The following PLEKHA6 variants were observed in gnomAD, a reference collection of about 807,000 sequenced individuals.
The protein encoded by PLEKHA6 is pleckstrin homology domain-containing family A member 6.
A neutral mutation model predicts 116.7 loss-of-function variants in PLEKHA6; 60 were observed. That is an observed-to-expected ratio of 0.51 (90% CI 0.42 to 0.64). The LOEUF is 0.64. Among genes scored for constraint, PLEKHA6 ranks in the 30% least tolerant of loss-of-function variants. The pLI is 0.00. For missense variants in PLEKHA6, 1,338 were observed against 1,422.7 expected, an observed-to-expected ratio of 0.94 and a Z score of 0.96; for synonymous variants, 489 against 556.1, an observed-to-expected ratio of 0.88 and a Z score of 1.70.
At chr1:204,317,904 A>G (rs1671919153) in intron 1 of PLEKHA6, among the ~76,000 whole-genome samples, 1 of 152,198 alleles carries the variant, frequency 6.6e-6, no homozygotes, top group African/African-American at 2.4e-5. Flanking sequence ...CAATAACAGT[A>G]TCCACCTCAT....
intron 10 of PLEKHA6, among the ~76,000 whole-genome samples, chr1:204,249,771 A>G (rs537841973): frequency 2.6e-5 from 4 of 152,234 alleles, no homozygotes; most frequent in Non-Finnish European, 5.9e-5. Context: ...CCTGTCAGGA[A>G]GGATCCTCTC....
At chr1:204,288,364 T>C (rs986115085) in intron 1 of PLEKHA6, among the ~76,000 whole-genome samples, 2 of 152,208 alleles carry the variant, frequency 1.3e-5, no homozygotes, top group African/African-American at 4.8e-5. Flanking sequence ...ACCTGAGTAA[T>C]GCTGCCGCCT....
At chr1:204,338,968 G>A (rs945532690) in intron 1 of PLEKHA6, among the ~76,000 whole-genome samples, 3 of 152,184 alleles carry the variant, frequency 2.0e-5, no homozygotes, top group South Asian at 2.1e-4. Context: ...CCGTGCATCC[G>A]GGCAGGCTCA....
At chr1:204,260,139 C>T (rs1448285421) in intron 7 of PLEKHA6, among the ~76,000 whole-genome samples, 2 of 152,148 alleles carry the variant, frequency 1.3e-5, no homozygotes, top group Non-Finnish European at 2.9e-5. Context: ...GCACTCACAT[C>T]AGTAACTGTC....
intron 1 of PLEKHA6, among the ~76,000 whole-genome samples, chr1:204,337,040 C>T (rs954017544): frequency 4.3e-4 from 65 of 152,248 alleles, no homozygotes; most frequent in African/African-American, 1.4e-3. Flanking sequence ...TCATCTCTTT[C>T]TGGACTCCCA....
chr1:204,247,183 G>A (rs1184043282), intron 13 of PLEKHA6, among the ~76,000 whole-genome samples, 182 bp downstream of exon 13: 1 of 152,166 alleles, frequency 6.6e-6, no homozygotes, highest in Non-Finnish European at 1.5e-5. Context: ...GTGTCTAACT[G>A]AAGTCTCCCA....
At chr1:204,370,462 T>G (rs770693624) in intron 2 of PLEKHA6, among the ~76,000 whole-genome samples, 3 of 152,234 alleles carry the variant, frequency 2.0e-5, no homozygotes, top group Admixed American at 6.5e-5. Flanking sequence ...CACCCCCTCT[T>G]ACTGGCCCGT....
chr1:204,229,047 G>T lies in PLEKHA6; in HGVS notation c.2641C>A (p.Arg881=), dbSNP rs201425011. 6 of 1,613,924 alleles carry T rather than the reference G, an allele frequency of 3.7e-6. No homozygotes were observed. The highest frequency in any genetic ancestry group is 2.2e-5 in the East Asian group (1 of 44,890). Residue 881 remains arginine (R), a synonymous_variant, in exon 19 of 23, where the codon CGG becomes AGG. Coordinates refer to ENST00000272203, the MANE Select transcript of PLEKHA6 (RefSeq NM_014935.5). The part of the protein sequence containing the change: ...VDISNLEAAL[R]AEEPGGHAYE... The stretch of plus-strand genomic sequence containing the variant: ...GCATGCCCGCCAGGCTCCTCTGCCC[G>T]CAGGGCTGCCTCCAGGTTGGAGATG...
At position 204,223,398 on chromosome 1, in the gene PLEKHA6, CA is replaced by C; in HGVS notation, c.*8+63del. ...CCAAAATGAGAGGGCATAGATGGCT[CA>C]ATGGGGGTGAAGGAAGGGGCCCCAC... On this transcript the variant is annotated intron_variant, in intron 22 of 22. Coordinates refer to ENST00000272203, the MANE Select transcript of PLEKHA6 (RefSeq NM_014935.5). This position sits in a 1 kb window ranked among gnomAD's most constrained non-coding sequence, Gnocchi z 4.8. 3 of 814,732 alleles carry C rather than the reference CA, an allele frequency of 3.7e-6. No individual in the cohort carries two copies. The highest frequency in any genetic ancestry group is 1.4e-5 in the South Asian group (1 of 69,408). The allele number at this position is 814,732 out of a possible 1,614,324, so 50.5% of individuals were successfully genotyped here.
chr1:204,263,032 A>G (rs911152050), intron 6 of PLEKHA6, among the ~76,000 whole-genome samples: 7 of 152,166 alleles, frequency 4.6e-5, no homozygotes, highest in Non-Finnish European at 8.8e-5. Context: ...GCATCCAGGG[A>G]GCAGCCTGTG....
intron 1 of PLEKHA6, among the ~76,000 whole-genome samples, chr1:204,306,087 A>G (rs1353896192): frequency 6.6e-6 from 1 of 151,742 alleles, no homozygotes; most frequent in Non-Finnish European, 1.5e-5. Context: ...CTTTCCATCC[A>G]CCCCATATTC....
intron 1 of PLEKHA6, among the ~76,000 whole-genome samples, chr1:204,348,714 A>ACCCC (rs3038282): frequency 7.3e-6 from 1 of 136,642 alleles, no homozygotes; most frequent in African/African-American, 2.9e-5. Flanking sequence ...CAGGTGCCAA[A>ACCCC]CCCCCCCCCC....
Position 204,223,878 on chromosome 1 carries a change from A to C in PLEKHA6, c.3032-293T>G, listed in dbSNP as rs754002586. 6.6e-6 allele frequency among the ~76,000 whole-genome samples: 1 copy of C among 152,170 alleles called. No individual in the cohort carries two copies. Among genetic ancestry groups the C allele is most frequent in the Admixed American group, 6.5e-5 (1 of 15,284 alleles). On this transcript the variant is annotated intron_variant, in intron 21 of 22. Transcript: ENST00000272203. This position sits in a 1 kb window ranked among gnomAD's most constrained non-coding sequence, Gnocchi z 4.8. ...TGGGCAAAGGGCTCCCCTCCCATCC[A>C]CACAATGGGGAGATTCACACACCTC...
rs530450895 is a variant in PLEKHA6, at chr1:204,259,986, G to A, written c.525-246C>T. 4.6e-5 allele frequency among the ~76,000 whole-genome samples: 7 copies of A among 152,118 alleles called. No homozygotes were observed. The highest frequency in any genetic ancestry group is 3.9e-4 in the East Asian group (2 of 5,168). The stretch of plus-strand genomic sequence containing the variant: ...CTGCTGTGTTAACTCTGCCCCCCAC[G>A]TCTTCTCTGCAGGTCATTCTCCACC... On this transcript the variant is annotated intron_variant, in intron 7 of 22. Transcript: ENST00000272203. The surrounding 1 kb of genome is among the most constrained non-coding windows in gnomAD (Gnocchi z 4.6).
intron 9 of PLEKHA6, chr1:204,251,724 C>T (rs566198866): frequency 2.1e-5 from 13 of 628,144 alleles, no homozygotes; most frequent in East Asian, 1.1e-4. Flanking sequence ...TCCCCCAGCA[C>T]CCTGAGCTTG....
intron 9 of PLEKHA6, among the ~76,000 whole-genome samples, chr1:204,250,981 G>A (rs1664474224): frequency 6.6e-6 from 1 of 152,244 alleles, no homozygotes; most frequent in Non-Finnish European, 1.5e-5. Flanking sequence ...ATGGCTGTCT[G>A]TGGGGTTAAG....
At chr1:204,231,740 T>A (rs1010108792) in intron 17 of PLEKHA6, among the ~76,000 whole-genome samples, 22 of 152,208 alleles carry the variant, frequency 1.4e-4, no homozygotes, top group Admixed American at 3.9e-4. Flanking sequence ...GCAAATTTTT[T>A]AATTATTATT....
intron 18 of PLEKHA6, 86 bp downstream of exon 18, chr1:204,230,327 C>A: frequency 1.7e-6 from 2 of 1,167,976 alleles, no homozygotes; most frequent in Non-Finnish European, 1.2e-6. Flanking sequence ...TCTCAAACCC[C>A]CCAGGCCCAA....
chr1:204,316,578 G>A (rs4586035), intron 1 of PLEKHA6, among the ~76,000 whole-genome samples: 76,985 of 152,058 alleles, frequency 0.51, 20,053 homozygotes, highest in Middle Eastern at 0.62. Context: ...TCATTGGCAC[G>A]GTGACTTGGC....
Sources: allele counts gnomAD v4.1 joint callset (sites outside exome capture counted in the v4.1 genomes callset), GRCh38; gene constraint gnomAD v4.1.1; non-coding constraint Gnocchi (gnomAD v3.1); transcripts MANE v1.5; gene names NCBI Gene and HGNC (gene_info 2026-07-23, HGNC 2026-07-21).